The following ZNF384 variants were observed in gnomAD, a reference collection of about 807,000 sequenced individuals.
ZNF384 encodes the protein CAG repeat protein 1.
Under a neutral mutation model 65.0 loss-of-function variants are expected in ZNF384, and 20 were observed. The ratio of observed to expected loss-of-function variants is 0.31; its 90% CI spans 0.22 to 0.45. The LOEUF (loss-of-function observed/expected upper bound fraction) is 0.45, where lower values mean the gene tolerates loss of function less well. Ranked by LOEUF, ZNF384 falls within the 20% of genes least tolerant of loss-of-function variation. The pLI is 1.00. For missense variants in ZNF384, 549 were observed against 769.4 expected (o/e 0.71, Z 3.39); for synonymous variants, 310 against 303.9 (o/e 1.02, Z -0.21).
Position 6,668,069 on chromosome 12 carries a change from A to C in ZNF384, c.1472T>G (p.Leu491Arg). Residue 491 changes from leucine to arginine, a missense_variant, in exon 12 of 12, where the codon CTT (leucine) becomes CGT (arginine). Leu to Arg is a moderately radical substitution (Grantham distance 102). Transcript: ENST00000683879. The part of the protein sequence containing the change: ...KHMRKHNPPD[L>R]QQQVQAAAAA... ...TGCTGCTGCCTGCACCTGTTGCTGA[A>C]GATCAGGCGGGTTGTGTTTGCGCAT... 6.2e-7 allele frequency: 1 copy of C among 1,611,668 alleles called. No individual in the cohort carries two copies. Among genetic ancestry groups the C allele is most frequent in the South Asian group, 1.1e-5 (1 of 90,938 alleles).
At chr12:6,677,479 T>C (rs1157187141) in intron 6 of ZNF384, among the ~76,000 whole-genome samples, 2 of 151,930 alleles carry the variant, frequency 1.3e-5, no homozygotes, top group Non-Finnish European at 2.9e-5. Flanking sequence ...AGTTTACTTA[T>C]GTAATTATTT....
intron 2 of ZNF384, among the ~76,000 whole-genome samples, chr12:6,681,434 A>T (rs1955905093): frequency 1.3e-5 from 2 of 152,098 alleles, no homozygotes; most frequent in Non-Finnish European, 2.9e-5. Context: ...CAAATAAGAG[A>T]GTGTGAGACT....
At chr12:6,685,322 C>CAAAAATA (rs1555097837) in intron 2 of ZNF384, among the ~76,000 whole-genome samples, 5 of 146,314 alleles carry the variant, frequency 3.4e-5, no homozygotes, top group Admixed American at 1.4e-4. Flanking sequence ...GACCCTGTCT[C>CAAAAATA]AAAAAGAAAA....
In ZNF384 at chr12:6,666,578, C is replaced by T. The variant is rs1949824051; in HGVS notation, c.*1136G>A. On this transcript the variant is annotated 3_prime_UTR_variant, in exon 12 of 12. Transcript: ENST00000683879. ...TCTTCATTTTTAAATTACTTTATAACAACTGGTTTCCTGATTTTTTTTTTA... is the reference window on the plus strand; with the variant it reads ...TCTTCATTTTTAAATTACTTTATAATAACTGGTTTCCTGATTTTTTTTTTA... The T allele has an allele frequency of 6.4e-6, 1 of 157,380 alleles. No individual in the cohort carries two copies. Among genetic ancestry groups the T allele is most frequent in the South Asian group, 2.1e-4 (1 of 4,770 alleles). The allele number at this position is 157,380 out of a possible 1,614,324, so 9.7% of individuals were successfully genotyped here.
rs964809382 is a variant in ZNF384 at position 6,667,386 on chromosome 12, A to C, written c.*328T>G. 9 of 477,882 alleles carry C rather than the reference A, an allele frequency of 1.9e-5. No homozygotes were observed. The highest frequency in any genetic ancestry group is 1.5e-4 in the African/African-American group (8 of 51,912). 29.6% of individuals were successfully genotyped at this position (477,882 alleles called of 1,614,324 possible). A position where few individuals can be genotyped will look rare whatever the true frequency, so the allele number is the denominator to read the frequency against. On this transcript the variant is annotated 3_prime_UTR_variant, in exon 12 of 12. Coordinates refer to ENST00000683879, the MANE Select transcript of ZNF384 (RefSeq NM_001385745.1). Reference sequence around the variant, plus strand: ...AGGATAAGGAGGGTAAGGATAGGGTAAGTGGCCACACTGGACAAGGTTCTA... The same window carrying C: ...AGGATAAGGAGGGTAAGGATAGGGTCAGTGGCCACACTGGACAAGGTTCTA...
chr12:6,673,323 G>C lies in ZNF384; in HGVS notation c.897C>G (p.Ser299Arg). 6.2e-7 allele frequency: 1 copy of C among 1,614,042 alleles called. No homozygotes were observed. Among genetic ancestry groups the C allele is most frequent in the Non-Finnish European group, 8.5e-7 (1 of 1,180,006 alleles). ...TACGGATGTGCTGGGCCAGGTAGGA[G>C]CTGTTGGCGAAGGTCTTGGAGCAAT... is the stretch of plus-strand genomic sequence containing the variant. ...CPHCSKTFAN[S>R]SYLAQHIRIH... The change falls in exon 8 of 12, where the codon AGC (serine) becomes AGG (arginine). Residue 299 changes from serine to arginine, a missense_variant. Transcript: ENST00000683879. The surrounding 1 kb of genome is among the most constrained non-coding windows in gnomAD (Gnocchi z 4.7).
rs2136308526 is a variant in ZNF384, at chr12:6,666,642, A to C, written c.*1072T>G. The C allele has an allele frequency of 6.0e-6, 1 of 165,988 alleles. No homozygotes were observed. The highest frequency in any genetic ancestry group is 2.0e-4 in the South Asian group (1 of 4,930). 10.3% of individuals were successfully genotyped at this position (165,988 alleles called of 1,614,324 possible). On this transcript the variant is annotated 3_prime_UTR_variant, in exon 12 of 12. Transcript: ENST00000683879. ...TGAAATCTGCCATGATTTAAAAAAA[A>C]AAAAAAAAGACAAAAAGAAAAATGC...
At chr12:6,676,667 G>A (rs1953739165) in intron 7 of ZNF384, among the ~76,000 whole-genome samples, 1 of 152,118 alleles carries the variant, frequency 6.6e-6, no homozygotes. Context: ...TCTCACAATG[G>A]CCTCATTTTA....
At chr12:6,680,571 C>T (rs534650637) in intron 2 of ZNF384, among the ~76,000 whole-genome samples, 13 of 151,612 alleles carry the variant, frequency 8.6e-5, no homozygotes, top group South Asian at 2.1e-4. Flanking sequence ...CTGCTTGAAC[C>T]GGGAGGCGGA....
Position 6,678,171 on chromosome 12 carries a change from G to A in ZNF384, c.642C>T (p.Ser214=). 2 of 1,614,072 alleles carry A rather than the reference G, an allele frequency of 1.2e-6. No homozygotes were observed. The highest frequency in any genetic ancestry group is 1.7e-6 in the Non-Finnish European group (2 of 1,180,010). The change falls in exon 6 of 12, where the codon TCC becomes TCT. Residue 214 remains serine (S), a synonymous_variant. Coordinates refer to ENST00000683879, the MANE Select transcript of ZNF384 (RefSeq NM_001385745.1). The surrounding 1 kb of genome is among the most constrained non-coding windows in gnomAD (Gnocchi z 4.9). ...LPEMNDPYVL[S]PEDDDDHQKD... ...TCTGATGGTCATCATCATCCTCAGG[G>A]GAGAGGACATAAGGGTCATTCATCT...
Position 6,667,621 on chromosome 12 carries a change from T to C in ZNF384, c.*93A>G. The C allele has an allele frequency of 6.4e-7, 1 of 1,557,858 alleles. No individual in the cohort carries two copies. Among genetic ancestry groups the C allele is most frequent in the Non-Finnish European group, 8.8e-7 (1 of 1,135,068 alleles). ...CCCAAGGAGATGGAGCCAAGGCCTG[T>C]CAAGGAAGAAAAGGACTTTTCCCAC... On this transcript the variant is annotated 3_prime_UTR_variant, in exon 12 of 12. Transcript: ENST00000683879.
intron 7 of ZNF384, among the ~76,000 whole-genome samples, chr12:6,675,888 G>A (rs1028801614): frequency 3.9e-5 from 6 of 152,138 alleles, no homozygotes; most frequent in Admixed American, 2.0e-4. Context: ...TGGGAGATAC[G>A]TTGACTTGAC....
intron 2 of ZNF384, among the ~76,000 whole-genome samples, chr12:6,683,747 G>A (rs1021809882): frequency 2.6e-5 from 4 of 151,914 alleles, no homozygotes; most frequent in Non-Finnish European, 2.9e-5. Flanking sequence ...GGCTGAGCAC[G>A]GTGGCTCATG....
rs17726247 is a variant in ZNF384 at position 6,679,755 on chromosome 12, T to C, written c.-5-230A>G. Among the ~76,000 whole-genome samples the C allele has an allele frequency of 5.2e-3, 789 of 152,310 alleles. 2 individuals are homozygous for C. The highest frequency in any genetic ancestry group is 9.2e-3 in the Non-Finnish European group (628 of 68,012). On this transcript the variant is annotated intron_variant, in intron 2 of 11. Coordinates refer to ENST00000683879, the MANE Select transcript of ZNF384 (RefSeq NM_001385745.1). ...TACTTCATGACTGTGAAAGAACTTATACGTATCACATTTACTCACACAATG... is the reference window on the plus strand; with the variant it reads ...TACTTCATGACTGTGAAAGAACTTACACGTATCACATTTACTCACACAATG...
chr12:6,668,918 G>T, intron 11 of ZNF384, 113 bp downstream of exon 11: 1 of 1,158,338 alleles, frequency 8.6e-7, no homozygotes, highest in Non-Finnish European at 1.2e-6. Context: ...CTGCTAAGTT[G>T]GAGCTAGGGA....
Position 6,679,247 on chromosome 12 carries a change from G to A in ZNF384, c.67-64C>T, listed in dbSNP as rs941016602. 1.9e-4 allele frequency: 273 copies of A among 1,427,980 alleles called. 1 individual carries two copies. The highest frequency in any genetic ancestry group is 6.2e-5 in the Admixed American group (3 of 48,370). 88.5% of individuals were successfully genotyped at this position (1,427,980 alleles called of 1,614,324 possible). On this transcript the variant is annotated intron_variant, in intron 3 of 11. Coordinates refer to ENST00000683879, the MANE Select transcript of ZNF384 (RefSeq NM_001385745.1). Reference sequence around the variant, plus strand: ...CCTGAGAGGCTGATTCTGCTTGCTCGTGAGCACACTTCAGTGTCTGTCCTC... The same window carrying A: ...CCTGAGAGGCTGATTCTGCTTGCTCATGAGCACACTTCAGTGTCTGTCCTC...
In ZNF384 at chr12:6,667,517, A is replaced by C; in HGVS notation, c.*197T>G. 1.3e-6 allele frequency: 1 copy of C among 752,076 alleles called. No homozygotes were observed. The allele number at this position is 752,076 out of a possible 1,614,324, so 46.6% of individuals were successfully genotyped here. On this transcript the variant is annotated 3_prime_UTR_variant, in exon 12 of 12. Coordinates refer to ENST00000683879, the MANE Select transcript of ZNF384 (RefSeq NM_001385745.1). ...CACCATCAGCTCAGTATTCCTTTGCAATCAGGAGGGCTGATGTTCCTTTTG... is the reference window on the plus strand; with the variant it reads ...CACCATCAGCTCAGTATTCCTTTGCCATCAGGAGGGCTGATGTTCCTTTTG...
At chr12:6,682,179 G>A (rs1183477650) in intron 2 of ZNF384, among the ~76,000 whole-genome samples, 1 of 150,780 alleles carries the variant, frequency 6.6e-6, no homozygotes, top group Non-Finnish European at 1.5e-5. Flanking sequence ...AAAGAGGTGA[G>A]TGCGGTCGTG....
At chr12:6,685,044 T>G (rs1275867870) in intron 2 of ZNF384, among the ~76,000 whole-genome samples, 1 of 152,188 alleles carries the variant, frequency 6.6e-6, no homozygotes, top group Non-Finnish European at 1.5e-5. Flanking sequence ...AGTGCCAATT[T>G]TAATGATTAT....
Sources: gnomAD v4.1 joint callset for allele counts (sites outside exome capture counted in the v4.1 genomes callset) on GRCh38, gnomAD v4.1.1 for gene constraint, Gnocchi (gnomAD v3.1) non-coding constraint, MANE v1.5 for transcripts, NCBI Gene and HGNC (gene_info 2026-07-23, HGNC 2026-07-21) for gene names.